The following ARHGAP20 variants were observed in gnomAD, a reference collection of about 807,000 sequenced individuals.
ARHGAP20 encodes Rho GTPase activating protein 20.
A neutral mutation model predicts 73.7 loss-of-function variants in ARHGAP20; 34 were observed. The ratio of observed to expected loss-of-function variants is 0.46; its 90% confidence interval spans 0.35 to 0.61. ARHGAP20 has a LOEUF of 0.61. Among genes scored for constraint, ARHGAP20 ranks in the 20% least tolerant of loss-of-function variants. The pLI is 0.00. For synonymous variants in ARHGAP20, 523 were observed against 518.2 expected (o/e 1.01, Z -0.13); for missense variants, 1,314 against 1,420.9 (o/e 0.92, Z 1.21).
chr11:110,688,568 A>G (rs1478064600), intron 2 of ARHGAP20, among the ~76,000 whole-genome samples: 1 of 152,212 alleles, frequency 6.6e-6, no homozygotes, highest in Admixed American at 6.5e-5. Context: ...AAAGACATCT[A>G]TACTGATTAA....
intron 1 of ARHGAP20, among the ~76,000 whole-genome samples, chr11:110,695,135 G>C (rs1005208609): frequency 4.6e-5 from 7 of 151,340 alleles, no homozygotes; most frequent in Non-Finnish European, 1.5e-5. Context: ...TGAGATAATG[G>C]GATATCCACA....
At chr11:110,589,424 G>A in intron 11 of ARHGAP20, 10 of 985,362 alleles carry the variant, frequency 1.0e-5, no homozygotes, top group Non-Finnish European at 1.1e-5. Context: ...GTAAGCACCT[G>A]GGCACTCAGC....
intron 9 of ARHGAP20, among the ~76,000 whole-genome samples, chr11:110,595,788 A>G (rs1947942591): frequency 6.6e-6 from 1 of 152,148 alleles, no homozygotes; most frequent in South Asian, 2.1e-4. Flanking sequence ...AATTGGAAAA[A>G]ACTACTTTAA....
chr11:110,674,102 C>G (rs11213526), intron 2 of ARHGAP20, among the ~76,000 whole-genome samples: 21,650 of 151,984 alleles, frequency 0.14, 1,682 homozygotes, highest in South Asian at 0.29. Context: ...CCACACCCAG[C>G]TAACTTGTAT....
At chr11:110,636,614 C>G (rs1322064363) in intron 2 of ARHGAP20, among the ~76,000 whole-genome samples, 51 of 151,870 alleles carry the variant, frequency 3.4e-4, no homozygotes, top group Non-Finnish European at 4.4e-5. Context: ...TTTTAAAAAC[C>G]TATATGTAAG....
chr11:110,677,253 C>T (rs1949950320), intron 2 of ARHGAP20, among the ~76,000 whole-genome samples: 3 of 152,144 alleles, frequency 2.0e-5, no homozygotes, highest in African/African-American at 4.8e-5. Flanking sequence ...ACTCAAACAA[C>T]CCAATTAAAA....
intron 2 of ARHGAP20, among the ~76,000 whole-genome samples, chr11:110,660,216 T>C (rs527775764): frequency 5.8e-4 from 88 of 152,192 alleles, no homozygotes; most frequent in Admixed American, 2.0e-3. Flanking sequence ...AAAATCGGCG[T>C]TTCTAACTTG....
chr11:110,711,847 A>T (rs1359360529), intron 1 of ARHGAP20: 2 of 1,314,510 alleles, frequency 1.5e-6, no homozygotes, highest in Admixed American at 8.1e-5. Context: ...CGGGCTGCAG[A>T]ACCGGCGGCG....
intron 2 of ARHGAP20, among the ~76,000 whole-genome samples, chr11:110,684,880 A>C (rs1950101655): frequency 6.6e-6 from 1 of 152,156 alleles, no homozygotes; most frequent in African/African-American, 2.4e-5. Flanking sequence ...ATGGGACAGA[A>C]ACATGAAAAC....
chr11:110,616,683 TTTC>T (rs1948490552), intron 4 of ARHGAP20, among the ~76,000 whole-genome samples: 1 of 139,248 alleles, frequency 7.2e-6, no homozygotes, highest in Non-Finnish European at 1.6e-5. Flanking sequence ...ACCACATTTT[TTTC>T]TTTTTTTTTT....
intron 1 of ARHGAP20, among the ~76,000 whole-genome samples, chr11:110,692,401 T>C (rs921330475): frequency 6.6e-6 from 1 of 152,160 alleles, no homozygotes; most frequent in African/African-American, 2.4e-5. Flanking sequence ...TCCTACTCTC[T>C]ATCCTGATTC....
At chr11:110,602,284 A>G (rs564337842) in intron 9 of ARHGAP20, among the ~76,000 whole-genome samples, 2 of 152,246 alleles carry the variant, frequency 1.3e-5, no homozygotes, top group East Asian at 3.9e-4. Flanking sequence ...TTCTAATGTT[A>G]AATTTTTAAG....
intron 2 of ARHGAP20, among the ~76,000 whole-genome samples, chr11:110,660,061 CAA>C (rs746439426): frequency 2.0e-4 from 14 of 69,242 alleles, no homozygotes; most frequent in Middle Eastern, 9.4e-3. Context: ...TAATAAAAAA[CAA>C]AAAAAAAAAA....
At chr11:110,664,727 CAAAAA>C (rs34643863) in intron 2 of ARHGAP20, among the ~76,000 whole-genome samples, 197 of 88,310 alleles carry the variant, frequency 2.2e-3, no homozygotes, top group African/African-American at 6.7e-3. Flanking sequence ...GACTCCGTCT[CAAAAA>C]AAAAAAAAAA....
At chr11:110,623,645 A>G (rs973592861) in intron 4 of ARHGAP20, among the ~76,000 whole-genome samples, 1 of 152,252 alleles carries the variant, frequency 6.6e-6, no homozygotes, top group African/African-American at 2.4e-5. Flanking sequence ...AAAATTCAGG[A>G]GTATAAACCA....
At chr11:110,648,856 A>T (rs1365639670) in intron 2 of ARHGAP20, among the ~76,000 whole-genome samples, 1 of 152,066 alleles carries the variant, frequency 6.6e-6, no homozygotes, top group African/African-American at 2.4e-5. Context: ...TTTTTGATAA[A>T]AGTACCCCAA....
At chr11:110,603,155 TA>T (rs1365820457) in intron 9 of ARHGAP20, among the ~76,000 whole-genome samples, 2 of 152,222 alleles carry the variant, frequency 1.3e-5, no homozygotes, top group Non-Finnish European at 2.9e-5. Flanking sequence ...CTCATGGACT[TA>T]ACTATTGTCA....
At chr11:110,659,978 G>C (rs1461698609) in intron 2 of ARHGAP20, among the ~76,000 whole-genome samples, 1 of 148,922 alleles carries the variant, frequency 6.7e-6, no homozygotes, top group Non-Finnish European at 1.5e-5. Context: ...TGGGTGCAGC[G>C]CACCAGCATG....
At chr11:110,692,777 C>T (rs575440388) in intron 1 of ARHGAP20, among the ~76,000 whole-genome samples, 2 of 152,032 alleles carry the variant, frequency 1.3e-5, no homozygotes, top group South Asian at 4.1e-4. Context: ...TAATGCAGAA[C>T]TATAATGTGG....
Sources: allele counts gnomAD v4.1 joint callset (sites outside exome capture counted in the v4.1 genomes callset), GRCh38; gene constraint gnomAD v4.1.1; transcripts MANE v1.5; gene names NCBI Gene and HGNC (gene_info 2026-07-23, HGNC 2026-07-21).